The following CEP44 variants were observed in gnomAD, a reference collection of about 807,000 sequenced individuals.
The protein encoded by CEP44 is centrosomal protein of 44 kDa.
Under a neutral mutation model 46.7 loss-of-function variants are expected in CEP44, and 45 were observed. That is an observed-to-expected ratio of 0.96 (90% CI 0.76 to 1.24). The LOEUF (loss-of-function observed/expected upper bound fraction) is 1.24. Among genes scored for constraint, CEP44 ranks in the 50% most tolerant of loss-of-function variants. CEP44 has a pLI of 0.00. For missense variants in CEP44, 475 were observed against 459.7 expected (o/e 1.03, Z -0.30); for synonymous variants, 142 against 146.0 (o/e 0.97, Z 0.20).
chr4:174,287,124 G>A lies in CEP44; in HGVS notation c.-148+3181G>A, dbSNP rs962519908. Among the ~76,000 whole-genome samples, 1 of 152,150 alleles carries A rather than the reference G, an allele frequency of 6.6e-6. No homozygotes were observed. Among genetic ancestry groups the A allele is most frequent in the African/African-American group, 2.4e-5 (1 of 41,408 alleles). Reference sequence around the variant, plus strand: ...AGTGAAGAATCAGCATCAAGAGGGGGAATCGGTGTATTCCTTCTATTTCTA... The same window carrying A: ...AGTGAAGAATCAGCATCAAGAGGGGAAATCGGTGTATTCCTTCTATTTCTA... On this transcript the variant is annotated intron_variant, in intron 1 of 11. Coordinates refer to ENST00000503780, the MANE Select transcript of CEP44 (RefSeq NM_001040157.3). The surrounding 1 kb of genome is among the most constrained non-coding windows in gnomAD (Gnocchi z 5.1).
At chr4:174,302,900 C>A (rs1222721712) in intron 4 of CEP44, among the ~76,000 whole-genome samples, 1 of 151,692 alleles carries the variant, frequency 6.6e-6, no homozygotes, top group Non-Finnish European at 1.5e-5. Flanking sequence ...CCTGCCTCAA[C>A]CTCCTGAGTA....
Position 174,320,004 on chromosome 4 carries a change from C to T in CEP44, c.*2621C>T. ...AACCCTAAGTTAAGTAAAATTTTCA[C>T]TTTCATTCTTTTCATTCTCTCATAA... On this transcript the variant is annotated 3_prime_UTR_variant, in exon 12 of 12. Coordinates refer to ENST00000503780, the MANE Select transcript of CEP44 (RefSeq NM_001040157.3). 1 of 985,240 alleles carries T rather than the reference C, an allele frequency of 1.0e-6. No homozygotes were observed. Among genetic ancestry groups the T allele is most frequent in the Non-Finnish European group, 1.2e-6 (1 of 829,834 alleles). The allele number at this position is 985,240 out of a possible 1,614,324, so 61.0% of individuals were successfully genotyped here. A position where few individuals can be genotyped will look rare whatever the true frequency, so the allele number is the denominator to read the frequency against.
At chr4:174,320,853 A>AG (rs1300682682), downstream of CEP44, among the ~76,000 whole-genome samples, 1 of 151,754 alleles carries the variant, frequency 6.6e-6, no homozygotes. Flanking sequence ...AGAATGGGTA[A>AG]GGGGGCAAAA....
At position 174,331,065 on chromosome 4, in the gene CEP44, C is replaced by G. The variant is rs955602439; in HGVS notation, c.1087-417C>G. On this transcript the variant is annotated intron_variant, in intron 8 of 8. Coordinates refer to the CEP44 transcript ENST00000426172. The surrounding 1 kb of genome is among the most constrained non-coding windows in gnomAD (Gnocchi z 4.5). ...TTGATATCTACTGATGTCTTTACAC[C>G]CATAAAAGGTATACTTTTCTATAGG... 6.6e-6 allele frequency among the ~76,000 whole-genome samples: 1 copy of G among 151,892 alleles called. No individual in the cohort carries two copies. The highest frequency in any genetic ancestry group is 2.4e-5 in the African/African-American group (1 of 41,350).
At chr4:174,299,482 A>G (rs1191981799) in intron 3 of CEP44, among the ~76,000 whole-genome samples, 1 of 152,332 alleles carries the variant, frequency 6.6e-6, no homozygotes, top group East Asian at 1.9e-4. Context: ...TTTTAAACTC[A>G]TAGAGGTATA....
rs1446234793 is a variant in CEP44 at position 174,325,504 on chromosome 4, A to G, written c.1087-5978A>G. Among the ~76,000 whole-genome samples, 2 of 151,958 alleles carry G rather than the reference A, an allele frequency of 1.3e-5. No individual in the cohort carries two copies. The highest frequency in any genetic ancestry group is 4.8e-5 in the African/African-American group (2 of 41,362). ...TCCTGTCTCTACAAAAATTTTTTTA[A>G]ATTAGCCAAGCATAGTGGTATGCAC... On this transcript the variant is annotated intron_variant, in intron 8 of 8. Transcript: ENST00000426172. This position sits in a 1 kb window ranked among gnomAD's most constrained non-coding sequence, Gnocchi z 4.4.
Position 174,310,725 on chromosome 4 carries a change from T to C in CEP44, c.886-58T>C. 1 of 826,932 alleles carries C rather than the reference T, an allele frequency of 1.2e-6. No homozygotes were observed. The highest frequency in any genetic ancestry group is 2.0e-6 in the Non-Finnish European group (1 of 501,754). 51.2% of individuals were successfully genotyped at this position (826,932 alleles called of 1,614,324 possible). ...TATTTTATGCTCAGCATTAAGAATA[T>C]AAAATGAGAGGGTTTTTCTTTTTAT... is the stretch of plus-strand genomic sequence containing the variant. On this transcript the variant is annotated intron_variant, in intron 8 of 11. Coordinates refer to ENST00000503780, the MANE Select transcript of CEP44 (RefSeq NM_001040157.3). This position sits in a 1 kb window ranked among gnomAD's most constrained non-coding sequence, Gnocchi z 4.2.
intron 1 of CEP44, among the ~76,000 whole-genome samples, chr4:174,289,112 A>G (rs549074069): frequency 6.6e-6 from 1 of 152,150 alleles, no homozygotes; most frequent in Non-Finnish European, 1.5e-5. Flanking sequence ...GAAAAATCCT[A>G]CTTGGTCATG....
In CEP44 at chr4:174,331,591, T is replaced by A; in HGVS notation, c.1196T>A (p.Val399Glu). 6.4e-7 allele frequency: 1 copy of A among 1,551,228 alleles called. No individual in the cohort carries two copies. The highest frequency in any genetic ancestry group is 8.7e-7 in the Non-Finnish European group (1 of 1,146,706). Residue 399 changes from valine to glutamate, a missense_variant, in exon 9 of 9, where the codon GTG (valine) becomes GAG (glutamate). Physicochemically the swap from Val to Glu is moderately radical, Grantham distance 121. Transcript: ENST00000426172. This position sits in a 1 kb window ranked among gnomAD's most constrained non-coding sequence, Gnocchi z 4.5. Reference sequence around the variant, plus strand: ...AGCTTTGCTTGGCCTCTCTCCTGTGTGTAATCTCTGTTTCTTGGATCCTGT... The same window carrying A: ...AGCTTTGCTTGGCCTCTCTCCTGTGAGTAATCTCTGTTTCTTGGATCCTGT...
rs1731337372 is a variant in CEP44 at position 174,331,874 on chromosome 4, A to G, written c.*279A>G. 3.2e-6 allele frequency: 1 copy of G among 310,766 alleles called. No homozygotes were observed. The highest frequency in any genetic ancestry group is 5.9e-6 in the Non-Finnish European group (1 of 170,746). 19.3% of individuals were successfully genotyped at this position (310,766 alleles called of 1,614,324 possible). A position where few individuals can be genotyped will look rare whatever the true frequency, so the allele number is the denominator to read the frequency against. On this transcript the variant is annotated 3_prime_UTR_variant, in exon 9 of 9. Coordinates refer to the CEP44 transcript ENST00000426172. This position sits in a 1 kb window ranked among gnomAD's most constrained non-coding sequence, Gnocchi z 4.5. ...GGGTTTATAGCTTTCATATTTCTTT[A>G]TTATTGTAAATGGGGGCTGTGGAAG... is the stretch of plus-strand genomic sequence containing the variant.
Position 174,301,280 on chromosome 4 carries a change from AG to A in CEP44, c.90-757del, listed in dbSNP as rs1739674325. Among the ~76,000 whole-genome samples, 2 of 152,166 alleles carry A rather than the reference AG, an allele frequency of 1.3e-5. No individual in the cohort carries two copies. The highest frequency in any genetic ancestry group is 4.8e-5 in the African/African-American group (2 of 41,452). ...TGCTTTGTTGTGGGAAAATCAGTGAAGGTACTTCACATTGAGAAAATAAGAC... is the reference window on the plus strand; with the variant it reads ...TGCTTTGTTGTGGGAAAATCAGTGAAGTACTTCACATTGAGAAAATAAGAC... On this transcript the variant is annotated intron_variant, in intron 3 of 11. Transcript: ENST00000503780. The surrounding 1 kb of genome is among the most constrained non-coding windows in gnomAD (Gnocchi z 4.3).
At position 174,329,960 on chromosome 4, in the gene CEP44, G is replaced by T. The variant is rs549954122; in HGVS notation, c.1087-1522G>T. Reference sequence around the variant, plus strand: ...CAACTTTCATACTTCGTATTAAAATGATTGTATAAGAAAATACAATATTTT... The same window carrying T: ...CAACTTTCATACTTCGTATTAAAATTATTGTATAAGAAAATACAATATTTT... On this transcript the variant is annotated intron_variant, in intron 8 of 8. Transcript: ENST00000426172. The surrounding 1 kb of genome is among the most constrained non-coding windows in gnomAD (Gnocchi z 4.0). Among the ~76,000 whole-genome samples, 1 of 152,176 alleles carries T rather than the reference G, an allele frequency of 6.6e-6. No homozygotes were observed. Among genetic ancestry groups the T allele is most frequent in the African/African-American group, 2.4e-5 (1 of 41,544 alleles).
chr4:174,284,682 A>G (rs1014438048), intron 1 of CEP44, among the ~76,000 whole-genome samples: 1 of 151,844 alleles, frequency 6.6e-6, no homozygotes, highest in Admixed American at 6.6e-5. Flanking sequence ...TGAACTCTTT[A>G]CTTGTCCCTT....
At chr4:174,304,458 T>A in intron 6 of CEP44, 89 bp downstream of exon 6, 1 of 1,505,040 alleles carries the variant, frequency 6.6e-7, no homozygotes, top group Non-Finnish European at 8.9e-7. Context: ...TGGCACCTGA[T>A]GAACATTCTA....
rs1040309525 is a variant in CEP44 at position 174,293,074 on chromosome 4, A to C, written c.-147-4892A>C. 2.0e-5 allele frequency among the ~76,000 whole-genome samples: 3 copies of C among 152,214 alleles called. No individual in the cohort carries two copies. In the South Asian group the frequency reaches 6.2e-4, roughly 31 times the overall value. On this transcript the variant is annotated intron_variant, in intron 1 of 11. Transcript: ENST00000503780. ...TTGGTGAGACTGACTTCCAAACCAC[A>C]GTCACTTAGGTGGAGCCAGGTTGTG...
At chr4:174,307,149 G>A (rs1031558613) in intron 6 of CEP44, among the ~76,000 whole-genome samples, 3 of 152,070 alleles carry the variant, frequency 2.0e-5, no homozygotes, top group South Asian at 4.1e-4. Flanking sequence ...GACCCAAATA[G>A]CCAAGGCAAT....
intron 9 of CEP44, among the ~76,000 whole-genome samples, chr4:174,313,649 A>G (rs1047504960): frequency 6.6e-6 from 1 of 152,224 alleles, no homozygotes; most frequent in African/African-American, 2.4e-5. Flanking sequence ...TTTAGTAGTC[A>G]TTATTTCAGA....
At chr4:174,317,238 A>G (rs1452715197) in intron 11 of CEP44, 97 bp from the exon 12 acceptor site, 2 of 485,274 alleles carry the variant, frequency 4.1e-6, no homozygotes, top group Non-Finnish European at 6.7e-6. Context: ...AAATATTCAA[A>G]TTTATTTTAG....
In CEP44 at chr4:174,286,294, A is replaced by G. The variant is rs1276544461; in HGVS notation, c.-148+2351A>G. Among the ~76,000 whole-genome samples, 1 of 152,184 alleles carries G rather than the reference A, an allele frequency of 6.6e-6. No individual in the cohort carries two copies. The highest frequency in any genetic ancestry group is 1.5e-5 in the Non-Finnish European group (1 of 68,030). On this transcript the variant is annotated intron_variant, in intron 1 of 11. Coordinates refer to ENST00000503780, the MANE Select transcript of CEP44 (RefSeq NM_001040157.3). This position sits in a 1 kb window ranked among gnomAD's most constrained non-coding sequence, Gnocchi z 5.2. The stretch of plus-strand genomic sequence containing the variant: ...ATCGGTGACCTTCTTACCTTTCCTT[A>G]TTTAAAGATAGAGAAACGGTGTGTA...
Sources: allele counts gnomAD v4.1 joint callset (sites outside exome capture counted in the v4.1 genomes callset), GRCh38; gene constraint gnomAD v4.1.1; non-coding constraint Gnocchi (gnomAD v3.1); transcripts MANE v1.5; gene names NCBI Gene and HGNC (gene_info 2026-07-23, HGNC 2026-07-21).